EYS: variants seen among roughly 807,000 people sequenced by gnomAD.
The protein encoded by EYS is protein eyes shut homolog.
EYS carries 250 observed loss-of-function variants against 282.1 expected under a neutral mutation model. The observed-to-expected ratio is 0.89, with a 90% CI of 0.80 to 0.98. The LOEUF (loss-of-function observed/expected upper bound fraction) is 0.98. Ranked by LOEUF, EYS falls within the 50% of genes least tolerant of loss-of-function variation. EYS has a pLI of 0.00. For synonymous variants in EYS, 1,355 were observed against 1,282.9 expected (o/e 1.06, Z -1.20); for missense variants, 4,016 against 3,709.0 (o/e 1.08, Z -2.15).
intron 35 of EYS, among the ~76,000 whole-genome samples, chr6:63,925,040 A>G (rs1053890227): frequency 4.6e-5 from 7 of 152,202 alleles, no homozygotes; most frequent in African/African-American, 1.7e-4. Flanking sequence ...ACAGCATTAG[A>G]TGCTCACAGC....
intron 31 of EYS, among the ~76,000 whole-genome samples, chr6:64,107,974 G>T (rs1773088481): frequency 1.3e-5 from 2 of 152,084 alleles, no homozygotes; most frequent in Non-Finnish European, 2.9e-5. Context: ...TCCTGAGGTA[G>T]TTTAGGCTCT....
intron 22 of EYS, among the ~76,000 whole-genome samples, chr6:64,695,865 T>A (rs1770561148): frequency 6.6e-6 from 1 of 151,926 alleles, no homozygotes; most frequent in Non-Finnish European, 1.5e-5. Flanking sequence ...AAAAGTGCCA[T>A]CCCAATGAAA....
At chr6:63,953,788 A>G (rs6927102) in intron 35 of EYS, among the ~76,000 whole-genome samples, 2,781 of 152,208 alleles carry the variant, frequency 0.018, 83 homozygotes, top group African/African-American at 0.063. Context: ...CACAGCTGAA[A>G]TACAGGGCTG....
At chr6:64,510,091 T>C (rs759834519) in intron 26 of EYS, among the ~76,000 whole-genome samples, 1 of 152,124 alleles carries the variant, frequency 6.6e-6, no homozygotes, top group Non-Finnish European at 1.5e-5. Context: ...TAAAGGCTGC[T>C]TTAAGAAAAA....
chr6:65,211,270 G>A (rs1266980565), intron 12 of EYS, among the ~76,000 whole-genome samples: 2 of 151,952 alleles, frequency 1.3e-5, no homozygotes, highest in African/African-American at 2.4e-5. Flanking sequence ...ATACCTTTAA[G>A]CATCTCTATT....
chr6:65,144,444 C>G (rs144287722), intron 12 of EYS, among the ~76,000 whole-genome samples: 2 of 151,962 alleles, frequency 1.3e-5, no homozygotes, highest in South Asian at 2.1e-4. Context: ...GTTATATTAC[C>G]TTTGAATGGA....
At chr6:65,401,668 G>T (rs1023338317) in intron 7 of EYS, among the ~76,000 whole-genome samples, 3 of 151,640 alleles carry the variant, frequency 2.0e-5, no homozygotes, top group Admixed American at 6.6e-5. Flanking sequence ...CTTTAAATTT[G>T]GATTCCTTTG....
At chr6:63,801,688 A>G (rs1385564906) in intron 37 of EYS, among the ~76,000 whole-genome samples, 1 of 152,236 alleles carries the variant, frequency 6.6e-6, no homozygotes, top group Non-Finnish European at 1.5e-5. Flanking sequence ...GCATAGGAAG[A>G]GGCTTAGGTT....
At chr6:64,607,637 G>A (rs970775568) in intron 24 of EYS, among the ~76,000 whole-genome samples, 1 of 152,006 alleles carries the variant, frequency 6.6e-6, no homozygotes, top group Non-Finnish European at 1.5e-5. Context: ...TTTGGATTTG[G>A]GTGAGGGAGA....
intron 33 of EYS, among the ~76,000 whole-genome samples, chr6:64,064,145 T>C (rs1295485954): frequency 6.6e-6 from 1 of 152,226 alleles, no homozygotes; most frequent in East Asian, 1.9e-4. Context: ...GTTTCTTTCA[T>C]TAACAACATA....
At chr6:65,180,078 G>A (rs1277327435) in intron 12 of EYS, among the ~76,000 whole-genome samples, 3 of 151,062 alleles carry the variant, frequency 2.0e-5, no homozygotes, top group South Asian at 2.1e-4. Flanking sequence ...AGCTATCTAC[G>A]ACAAACCCAC....
intron 28 of EYS, among the ~76,000 whole-genome samples, chr6:64,408,059 T>C (rs1314878799): frequency 6.6e-6 from 1 of 152,104 alleles, no homozygotes; most frequent in African/African-American, 2.4e-5. Context: ...AGGGAATACA[T>C]AACAGAGGTT....
intron 41 of EYS, among the ~76,000 whole-genome samples, chr6:63,730,564 G>C (rs1229244933): frequency 6.6e-6 from 1 of 152,164 alleles, no homozygotes; most frequent in South Asian, 2.1e-4. Context: ...GATGTTCAAT[G>C]AACAATCTAC....
At chr6:65,575,326 CTAAATAAA>C (rs71002320) in intron 2 of EYS, among the ~76,000 whole-genome samples, 3 of 142,066 alleles carry the variant, frequency 2.1e-5, no homozygotes, top group East Asian at 2.1e-4. Context: ...GACTTCCTCT[CTAAATAAA>C]TAAATAAATA....
intron 12 of EYS, among the ~76,000 whole-genome samples, chr6:65,190,400 G>T (rs1371283338): frequency 6.7e-6 from 1 of 149,964 alleles, no homozygotes; most frequent in Non-Finnish European, 1.5e-5. Context: ...GTTATTCATT[G>T]TTATACTCAT....
At chr6:64,360,731 T>C (rs1246381467) in intron 29 of EYS, among the ~76,000 whole-genome samples, 1 of 151,770 alleles carries the variant, frequency 6.6e-6, no homozygotes, top group Non-Finnish European at 1.5e-5. Flanking sequence ...TCTATTTCTA[T>C]ATGCAGTTGG....
At chr6:65,040,007 G>A (rs980031158) in intron 13 of EYS, among the ~76,000 whole-genome samples, 3 of 151,602 alleles carry the variant, frequency 2.0e-5, no homozygotes, top group African/African-American at 7.2e-5. Flanking sequence ...GATCTTAAGA[G>A]ACTTGCACTT....
At chr6:63,922,289 A>G (rs1764592754) in intron 35 of EYS, among the ~76,000 whole-genome samples, 2 of 152,176 alleles carry the variant, frequency 1.3e-5, no homozygotes, top group African/African-American at 4.8e-5. Flanking sequence ...CTTGCCTGGT[A>G]CAGTGGCTCA....
intron 11 of EYS, among the ~76,000 whole-genome samples, chr6:65,301,395 C>G (rs1358873700): frequency 6.6e-6 from 1 of 152,220 alleles, no homozygotes; most frequent in African/African-American, 2.4e-5. Context: ...CCAGAACCCT[C>G]GCGCCCTGCG....
Sources: allele counts gnomAD v4.1 joint callset (sites outside exome capture counted in the v4.1 genomes callset), GRCh38; gene constraint gnomAD v4.1.1; transcripts MANE v1.5; gene names NCBI Gene and HGNC (gene_info 2026-07-23, HGNC 2026-07-21).